Variants in NDUFS4 observed in about 807,000 individuals in gnomAD.
NDUFS4 encodes the protein NADH:ubiquinone oxidoreductase subunit S4.
In NDUFS4, 28 loss-of-function variants were observed where a neutral mutation model predicts 24.3. The ratio of observed to expected loss-of-function variants is 1.15; its 90% CI spans 0.85 to 1.58. NDUFS4 has a LOEUF of 1.58. NDUFS4 is among the 40% of genes most tolerant of loss of function. The pLI is 0.00. For synonymous variants in NDUFS4, 93 were observed against 69.7 expected (o/e 1.34, Z -1.67); for missense variants, 223 against 207.9 (o/e 1.07, Z -0.45).
intron 2 of NDUFS4, among the ~76,000 whole-genome samples, chr5:53,618,963 C>G (rs1330717478): frequency 1.3e-5 from 2 of 150,750 alleles, no homozygotes; most frequent in African/African-American, 4.9e-5. Flanking sequence ...AAATACAAAA[C>G]ATTAGCTGGT....
At chr5:53,584,438 C>T (rs570520700) in intron 1 of NDUFS4, among the ~76,000 whole-genome samples, 5 of 152,086 alleles carry the variant, frequency 3.3e-5, no homozygotes, top group Non-Finnish European at 4.4e-5. Flanking sequence ...TCACTGAAAC[C>T]TCTGCCTCCT....
chr5:53,579,997 G>A (rs1749505148), intron 1 of NDUFS4, among the ~76,000 whole-genome samples: 1 of 152,170 alleles, frequency 6.6e-6, no homozygotes, highest in African/African-American at 2.4e-5. Context: ...TATTAGCCCT[G>A]TGAGACTGAT....
Position 53,583,098 on chromosome 5 carries a change from C to T in NDUFS4, c.99-20354C>T, listed in dbSNP as rs192094448. Among the ~76,000 whole-genome samples, 1,108 of 152,146 alleles carry T rather than the reference C, an allele frequency of 7.3e-3. 14 individuals carry two copies. The highest frequency in any genetic ancestry group is 0.025 in the African/African-American group (1,057 of 41,518). On this transcript the variant is annotated intron_variant, in intron 1 of 4. Transcript: ENST00000296684. ...TTCACTGTGTTAGCCAGGATGGTCTCGATTTCCTGACCTCATGATCCGCCC... is the reference window on the plus strand; with the variant it reads ...TTCACTGTGTTAGCCAGGATGGTCTTGATTTCCTGACCTCATGATCCGCCC...
chr5:53,673,268 A>G (rs1366093200), intron 4 of NDUFS4, among the ~76,000 whole-genome samples: 2 of 152,122 alleles, frequency 1.3e-5, no homozygotes, highest in Non-Finnish European at 2.9e-5. Context: ...ATAGCATATA[A>G]AATAAACCTA....
At chr5:53,603,098 C>G (rs1244997331) in intron 1 of NDUFS4, among the ~76,000 whole-genome samples, 1 of 151,924 alleles carries the variant, frequency 6.6e-6, no homozygotes, top group African/African-American at 2.4e-5. Flanking sequence ...AATCAGTGTT[C>G]CAGAACAATT....
intron 1 of NDUFS4, among the ~76,000 whole-genome samples, chr5:53,568,035 A>G (rs1749093823): frequency 6.6e-6 from 1 of 152,184 alleles, no homozygotes; most frequent in African/African-American, 2.4e-5. Flanking sequence ...ATAAACTATT[A>G]TAAATTTTTT....
chr5:53,614,403 C>T (rs758938598), intron 2 of NDUFS4, among the ~76,000 whole-genome samples: 3 of 151,824 alleles, frequency 2.0e-5, no homozygotes, highest in Admixed American at 1.3e-4. Flanking sequence ...AGAGAATGAT[C>T]GTTCTATATT....
chr5:53,625,399 T>C (rs1453347931), intron 2 of NDUFS4, among the ~76,000 whole-genome samples: 1 of 152,192 alleles, frequency 6.6e-6, no homozygotes, highest in African/African-American at 2.4e-5. Context: ...GAATTTTTGA[T>C]TAGTATTCTT....
At chr5:53,677,432 C>T (rs1333727720) in intron 4 of NDUFS4, among the ~76,000 whole-genome samples, 1 of 151,962 alleles carries the variant, frequency 6.6e-6, no homozygotes, top group African/African-American at 2.4e-5. Context: ...CCAGTGTATC[C>T]GAAACCTCTG....
At chr5:53,628,968 G>C (rs60308929) in intron 2 of NDUFS4, among the ~76,000 whole-genome samples, 64,330 of 151,958 alleles carry the variant, frequency 0.42, 14,445 homozygotes, top group Admixed American at 0.5. Context: ...AAATTGTGAT[G>C]TTAGGGTGTC....
rs56848052 is a variant in NDUFS4, at chr5:53,662,930, A to C, written c.424+4306A>C. Reference sequence around the variant, plus strand: ...TGTGATGTTAGGGTGTCAATTTTAGATCTTTCCTGCTTTCTCTTGTGGGCA... The same window carrying C: ...TGTGATGTTAGGGTGTCAATTTTAGCTCTTTCCTGCTTTCTCTTGTGGGCA... On this transcript the variant is annotated intron_variant, in intron 4 of 4. Coordinates refer to ENST00000296684, the MANE Select transcript of NDUFS4 (RefSeq NM_002495.4). Among the ~76,000 whole-genome samples, 1,110 of 151,700 alleles carry C rather than the reference A, an allele frequency of 7.3e-3. 14 individuals carry two copies. Among genetic ancestry groups the C allele is most frequent in the African/African-American group, 0.026 (1,059 of 41,316 alleles).
At chr5:53,629,639 T>G (rs1239067117) in intron 2 of NDUFS4, among the ~76,000 whole-genome samples, 1 of 152,220 alleles carries the variant, frequency 6.6e-6, no homozygotes, top group Non-Finnish European at 1.5e-5. Flanking sequence ...TGTAATGCCC[T>G]TGTTTGTCTT....
rs144979572 is a variant in NDUFS4, at chr5:53,582,551, T to C, written c.99-20901T>C. On this transcript the variant is annotated intron_variant, in intron 1 of 4. Transcript: ENST00000296684. ...AAAACCCATGTGAACATGAGGAGAA[T>C]GTGCAAACTCCACACAGATAGTATC... Among the ~76,000 whole-genome samples the C allele has an allele frequency of 1.3e-4, 20 of 152,360 alleles. No individual in the cohort carries two copies. In the East Asian group the frequency reaches 3.9e-3, roughly 29 times the overall value.
chr5:53,615,077 A>G (rs1750803095), intron 2 of NDUFS4, among the ~76,000 whole-genome samples: 1 of 151,932 alleles, frequency 6.6e-6, no homozygotes, highest in African/African-American at 2.4e-5. Flanking sequence ...GTATGCAGAT[A>G]GATCCCTGAT....
In NDUFS4 at chr5:53,591,697, C is replaced by T. The variant is rs138929184; in HGVS notation, c.99-11755C>T. ...CTGTACCATTTCGCATTCCCACCAG[C>T]GATGAATGAGACTTCTGTTCTCTTC... On this transcript the variant is annotated intron_variant, in intron 1 of 4. Coordinates refer to ENST00000296684, the MANE Select transcript of NDUFS4 (RefSeq NM_002495.4). Among the ~76,000 whole-genome samples the T allele has an allele frequency of 1.6e-3, 251 of 152,258 alleles. 1 individual carries two copies. The highest frequency in any genetic ancestry group is 5.5e-3 in the African/African-American group (229 of 41,536).
chr5:53,660,112 T>A (rs1752289319), intron 4 of NDUFS4, among the ~76,000 whole-genome samples: 2 of 151,642 alleles, frequency 1.3e-5, no homozygotes, highest in Middle Eastern at 3.2e-3. Context: ...GATTAACTCT[T>A]CATTTAACAT....
intron 2 of NDUFS4, among the ~76,000 whole-genome samples, chr5:53,609,088 G>A (rs997374156): frequency 6.6e-6 from 1 of 152,148 alleles, no homozygotes; most frequent in African/African-American, 2.4e-5. Flanking sequence ...TCTTTCAAAC[G>A]CGTGCTAATG....
At chr5:53,650,952 T>C (rs1423551625) in intron 3 of NDUFS4, among the ~76,000 whole-genome samples, 1 of 152,212 alleles carries the variant, frequency 6.6e-6, no homozygotes, top group Non-Finnish European at 1.5e-5. Flanking sequence ...TGCATAAATA[T>C]GGAAATGCTG....
intron 1 of NDUFS4, among the ~76,000 whole-genome samples, chr5:53,565,598 A>G (rs1419380760): frequency 1.3e-5 from 2 of 152,232 alleles, no homozygotes; most frequent in African/African-American, 2.4e-5. Context: ...AGTGATAGCC[A>G]GGTAGGCACT....
Sources: gnomAD v4.1 joint callset for allele counts (sites outside exome capture counted in the v4.1 genomes callset) on GRCh38, gnomAD v4.1.1 for gene constraint, MANE v1.5 for transcripts, NCBI Gene and HGNC (gene_info 2026-07-23, HGNC 2026-07-21) for gene names.